The following TXK variants were observed in gnomAD, a reference collection of about 807,000 sequenced individuals.
The protein encoded by TXK is TXK tyrosine kinase.
In TXK, 60 loss-of-function variants were observed where a neutral mutation model predicts 81.0. That is an observed-to-expected ratio of 0.74 (90% CI 0.60 to 0.92). The LOEUF is 0.92. Among genes scored for constraint, TXK ranks in the 40% least tolerant of loss-of-function variants. The pLI, the probability that TXK is intolerant of heterozygous loss-of-function variation, is 0.00. For missense variants in TXK, 581 were observed against 638.3 expected (o/e 0.91, Z 0.97); for synonymous variants, 203 against 210.7 (o/e 0.96, Z 0.32).
intron 1 of TXK, among the ~76,000 whole-genome samples, chr4:48,128,670 T>TTC (rs1201232071): frequency 1.4e-5 from 2 of 146,658 alleles, no homozygotes; most frequent in African/African-American, 5.0e-5. Context: ...GTTCACGCCA[T>TTC]TCTCCTGCCT....
intron 1 of TXK, among the ~76,000 whole-genome samples, chr4:48,122,277 GCTC>G (rs1718981410): frequency 6.6e-6 from 1 of 152,138 alleles, no homozygotes; most frequent in South Asian, 2.1e-4. Context: ...TCTGCAATAA[GCTC>G]CTGCTCACCT....
At chr4:48,120,156 C>CATATGTAT (rs201285538) in intron 1 of TXK, among the ~76,000 whole-genome samples, 1 of 85,908 alleles carries the variant, frequency 1.2e-5, no homozygotes, top group South Asian at 4.4e-4. Context: ...TGTATATATG[C>CATATGTAT]ATATATATGT....
At chr4:48,080,312 A>G (rs1191366945) in intron 10 of TXK, 184 bp from the exon 11 acceptor site, 2 of 599,772 alleles carry the variant, frequency 3.3e-6, no homozygotes, top group Non-Finnish European at 5.9e-6. Context: ...ATGTGGGGTC[A>G]AGAGTTTAAG....
chr4:48,086,640 G>T lies in TXK; in HGVS notation c.785-3C>A, dbSNP rs1560345672. 6.2e-7 allele frequency: 1 copy of T among 1,610,844 alleles called. No homozygotes were observed. The highest frequency in any genetic ancestry group is 1.1e-5 in the South Asian group (1 of 90,626). On this transcript the variant is annotated splice_region_variant and splice_polypyrimidine_tract_variant and intron_variant, in intron 9 of 14. Transcript: ENST00000264316. ...AGATGGATCTATCTCCCACTTTTCT[G>T]AAAAAGTAAAACATCCATGTTACAA...
At chr4:48,113,687 T>C (rs965060005) in intron 2 of TXK, among the ~76,000 whole-genome samples, 2 of 152,218 alleles carry the variant, frequency 1.3e-5, no homozygotes, top group African/African-American at 4.8e-5. Flanking sequence ...CTTTTTGTTA[T>C]AAATAGACAT....
At chr4:48,067,796 T>C in intron 14 of TXK, 91 bp from the exon 15 acceptor site, 1 of 1,217,210 alleles carries the variant, frequency 8.2e-7, no homozygotes, top group Non-Finnish European at 1.2e-6. Flanking sequence ...GGGAGTCACT[T>C]ATATCCCACT....
At chr4:48,077,003 A>T (rs1717096985) in intron 11 of TXK, among the ~76,000 whole-genome samples, 1 of 152,198 alleles carries the variant, frequency 6.6e-6, no homozygotes, top group Non-Finnish European at 1.5e-5. Flanking sequence ...ATTTTTTTTA[A>T]CATCTTTATA....
chr4:48,109,379 C>A (rs1268347406), intron 5 of TXK: 1 of 151,982 alleles, frequency 6.6e-6, no homozygotes, highest in Non-Finnish European at 1.5e-5. Context: ...CTGTATCATT[C>A]CAATTTTAGT....
chr4:48,106,975 G>T (rs1718478501), intron 5 of TXK, among the ~76,000 whole-genome samples: 1 of 152,040 alleles, frequency 6.6e-6, no homozygotes, highest in Non-Finnish European at 1.5e-5. Context: ...TAGTTTATTA[G>T]ATTTCCAGGA....
intron 1 of TXK, 91 bp downstream of exon 1, chr4:48,134,064 G>T: frequency 7.0e-7 from 1 of 1,431,218 alleles, no homozygotes; most frequent in Non-Finnish European, 9.7e-7. Context: ...CAAGCTCTAT[G>T]CCTTGGAAAA....
chr4:48,077,482 G>A (rs1577649653), intron 11 of TXK, among the ~76,000 whole-genome samples: 1 of 149,848 alleles, frequency 6.7e-6, no homozygotes, highest in African/African-American at 2.5e-5. Context: ...AGCATATAGG[G>A]AGATAAAATA....
At chr4:48,109,623 T>C (rs1207411630) in intron 5 of TXK, among the ~76,000 whole-genome samples, 1 of 152,210 alleles carries the variant, frequency 6.6e-6, no homozygotes, top group Non-Finnish European at 1.5e-5. Flanking sequence ...TAGAGTAATG[T>C]AGATGAGTCA....
chr4:48,089,482 C>T (rs1419796128), intron 9 of TXK: 3 of 273,542 alleles, frequency 1.1e-5, no homozygotes, highest in African/African-American at 6.5e-5. Context: ...CCTCTGCCTC[C>T]TGGGTTCAAG....
intron 6 of TXK, among the ~76,000 whole-genome samples, chr4:48,102,081 C>T (rs1017514735): frequency 2.6e-5 from 4 of 152,014 alleles, no homozygotes; most frequent in Non-Finnish European, 5.9e-5. Context: ...CAGGTTCAAG[C>T]GATTCTCCTG....
chr4:48,075,676 A>G (rs561694737), intron 12 of TXK, among the ~76,000 whole-genome samples: 1 of 152,196 alleles, frequency 6.6e-6, no homozygotes, highest in South Asian at 2.1e-4. Flanking sequence ...TTCTGAATGA[A>G]TCTTGCAGAA....
chr4:48,089,848 T>A (rs747063132), intron 8 of TXK, 24 bp from the exon 9 acceptor site: 4 of 1,559,990 alleles, frequency 2.6e-6, no homozygotes, highest in Non-Finnish European at 3.5e-6. Flanking sequence ...GAAATCAATA[T>A]TTCAAGCCTA....
intron 10 of TXK, among the ~76,000 whole-genome samples, chr4:48,081,183 T>C (rs1560342767): frequency 6.6e-6 from 1 of 152,078 alleles, no homozygotes; most frequent in Non-Finnish European, 1.5e-5. Flanking sequence ...GCAGTTTACA[T>C]ATATATAGAG....
Position 48,110,577 on chromosome 4 carries a change from T to C in TXK, c.407A>G (p.Tyr136Cys), listed in dbSNP as rs1159193523. ...ATTAGTTATTTTGTTTTCAGTCACA[T>C]AGTTGCTTGGGATTAAGCCTTCATT... ...LGNEGLIPSNYVTENKITNLE... is the reference protein window; with the variant it reads ...LGNEGLIPSNCVTENKITNLE... The change falls in exon 5 of 15, where the codon TAT becomes TGT. Residue 136 changes from tyrosine to cysteine, a missense_variant. Coordinates refer to ENST00000264316, the MANE Select transcript of TXK (RefSeq NM_003328.3). 1.2e-6 allele frequency: 2 copies of C among 1,612,400 alleles called. No individual in the cohort carries two copies. Among genetic ancestry groups the C allele is most frequent in the Admixed American group, 3.3e-5 (2 of 59,924 alleles).
intron 1 of TXK, among the ~76,000 whole-genome samples, chr4:48,121,186 C>T (rs1293556858): frequency 1.3e-5 from 2 of 152,148 alleles, no homozygotes; most frequent in Non-Finnish European, 2.9e-5. Flanking sequence ...CACATCTAGC[C>T]CAGTTCTAAT....
Sources: gnomAD v4.1 joint callset for allele counts (sites outside exome capture counted in the v4.1 genomes callset) on GRCh38, gnomAD v4.1.1 for gene constraint, MANE v1.5 for transcripts, NCBI Gene and HGNC (gene_info 2026-07-23, HGNC 2026-07-21) for gene names.